The following SMCO2 variants were observed in gnomAD, a reference collection of about 807,000 sequenced individuals.
The protein encoded by SMCO2 is single-pass membrane protein with coiled-coil domains 2, also known as single-pass membrane and coiled-coil domain-containing protein 2.
In SMCO2, 25 loss-of-function variants were observed where a neutral mutation model predicts 29.5. The ratio of observed to expected loss-of-function variants is 0.85; its 90% CI spans 0.62 to 1.18. SMCO2 has a LOEUF of 1.18. SMCO2 is among the 50% of genes most tolerant of loss of function. The probability of loss-of-function intolerance (pLI) is 0.00; values close to 1 mark genes in which losing one functional copy is unlikely to be tolerated. For synonymous variants in SMCO2, 117 were observed against 123.3 expected (o/e 0.95, Z 0.34); for missense variants, 348 against 344.5 (o/e 1.01, Z -0.08).
chr12:27,438,507 C>G, the SMCO2 span, among the ~76,000 whole-genome samples: 1 of 152,136 alleles, frequency 6.6e-6, no homozygotes, highest in Non-Finnish European at 1.5e-5. Context: ...CCTGCTTTTC[C>G]TCTATTGTCC....
At chr12:27,466,712 G>A (rs1463786217), upstream of SMCO2, 2 of 152,530 alleles carry the variant, frequency 1.3e-5, no homozygotes, top group Non-Finnish European at 2.9e-5. Flanking sequence ...GTAGAAGCCA[G>A]TCAGGAGAGC....
intron 1 of SMCO2, among the ~76,000 whole-genome samples, chr12:27,470,061 C>G (rs1375847302): frequency 6.6e-6 from 1 of 152,140 alleles, no homozygotes; most frequent in African/African-American, 2.4e-5. Context: ...CAAAGATAAT[C>G]ATTATTGCAT....
intron 7 of SMCO2, among the ~76,000 whole-genome samples, chr12:27,500,728 C>G (rs1342551995): frequency 1.3e-5 from 2 of 150,580 alleles, no homozygotes; most frequent in African/African-American, 5.0e-5. Flanking sequence ...TATCAGCTCT[C>G]TAAGCCCCTT....
At chr12:27,485,986 G>A (rs1949686125) in intron 4 of SMCO2, among the ~76,000 whole-genome samples, 1 of 152,156 alleles carries the variant, frequency 6.6e-6, no homozygotes, top group Admixed American at 6.5e-5. Flanking sequence ...TTTAGTCTAG[G>A]ACTAATACGG....
intron 4 of SMCO2, among the ~76,000 whole-genome samples, chr12:27,477,753 A>C (rs1191612617): frequency 6.8e-6 from 1 of 146,688 alleles, no homozygotes; most frequent in Non-Finnish European, 1.5e-5. Context: ...TTTTTATTTC[A>C]TTCATTGAAT....
the SMCO2 span, among the ~76,000 whole-genome samples, chr12:27,429,744 C>A: frequency 2.0e-5 from 3 of 152,312 alleles, no homozygotes; most frequent in Non-Finnish European, 4.4e-5. Context: ...CACACACATG[C>A]TGTACACCTC....
intron 4 of SMCO2, chr12:27,475,660 T>C: frequency 6.5e-7 from 1 of 1,549,706 alleles, no homozygotes; most frequent in Non-Finnish European, 8.7e-7. Context: ...TTGGAGCTGA[T>C]TACATAGACG....
At chr12:27,476,261 C>T (rs1380321858) in intron 4 of SMCO2, among the ~76,000 whole-genome samples, 2 of 151,950 alleles carry the variant, frequency 1.3e-5, no homozygotes, top group Non-Finnish European at 2.9e-5. Context: ...TTTGTTAAGA[C>T]TTGTATTGTG....
the SMCO2 span, among the ~76,000 whole-genome samples, chr12:27,437,026 T>G: frequency 1.3e-5 from 2 of 152,176 alleles, no homozygotes; most frequent in African/African-American, 4.8e-5. Flanking sequence ...GACTACACAT[T>G]GTTACATTAG....
At chr12:27,455,640 T>C in the SMCO2 span, among the ~76,000 whole-genome samples, 18 of 152,188 alleles carry the variant, frequency 1.2e-4, no homozygotes, top group African/African-American at 2.7e-4. Context: ...CAAAGTCTTG[T>C]ATGTGCAAAA....
the SMCO2 span, among the ~76,000 whole-genome samples, chr12:27,452,188 A>G: frequency 6.6e-6 from 1 of 152,196 alleles, no homozygotes; most frequent in Non-Finnish European, 1.5e-5. Context: ...TCTTTTTTGT[A>G]TAAATTAAGT....
intron 4 of SMCO2, among the ~76,000 whole-genome samples, chr12:27,482,973 C>T (rs902171371): frequency 1.3e-5 from 2 of 152,068 alleles, no homozygotes; most frequent in Non-Finnish European, 2.9e-5. Flanking sequence ...GCAATCCTCC[C>T]TTCTTGACCT....
exon 4 of SMCO2, chr12:27,474,860 G>A: frequency 6.4e-7 from 1 of 1,551,454 alleles, no homozygotes; most frequent in Non-Finnish European, 8.7e-7. Context: ...ATGTTGATGA[G>A]GACCCTCAAG....
the SMCO2 span, chr12:27,425,172 G>A: frequency 4.9e-4 from 75 of 151,636 alleles, no homozygotes; most frequent in African/African-American, 1.6e-3. Flanking sequence ...ACTTGTGCTC[G>A]TCTGTATATT....
the SMCO2 span, among the ~76,000 whole-genome samples, chr12:27,447,728 CAAA>C: frequency 3.4e-4 from 39 of 113,420 alleles, no homozygotes; most frequent in African/African-American, 4.7e-4. Context: ...GACTCTGTCT[CAAA>C]AAAAAAAAAA....
At chr12:27,433,143 GA>G in the SMCO2 span, among the ~76,000 whole-genome samples, 2 of 151,912 alleles carry the variant, frequency 1.3e-5, no homozygotes, top group Admixed American at 1.3e-4. Context: ...TAAAAAACAG[GA>G]AAAAAATAAA....
intron 4 of SMCO2, among the ~76,000 whole-genome samples, chr12:27,486,354 C>A (rs1949689257): frequency 6.6e-6 from 1 of 152,180 alleles, no homozygotes; most frequent in South Asian, 2.1e-4. Context: ...CTCCTGCATC[C>A]CCTTTCTCTG....
chr12:27,456,275 A>G, the SMCO2 span, among the ~76,000 whole-genome samples: 22 of 152,274 alleles, frequency 1.4e-4, no homozygotes, highest in Admixed American at 1.4e-3. Flanking sequence ...ATGTATATAG[A>G]TATGCATCAA....
chr12:27,480,034 TCA>T (rs1949628200), intron 4 of SMCO2, among the ~76,000 whole-genome samples: 1 of 152,118 alleles, frequency 6.6e-6, no homozygotes, highest in Non-Finnish European at 1.5e-5. Context: ...AGCATAGCCC[TCA>T]GTCTGTGGCT....
Sources: allele counts gnomAD v4.1 joint callset (sites outside exome capture counted in the v4.1 genomes callset), GRCh38; gene constraint gnomAD v4.1.1; transcripts MANE v1.5; gene names NCBI Gene and HGNC (gene_info 2026-07-23, HGNC 2026-07-21).